RASGRP1: variants seen among roughly 807,000 people sequenced by gnomAD.
RASGRP1 encodes the protein RAS guanyl-releasing protein 1.
In RASGRP1, 37 loss-of-function variants were observed where a neutral mutation model predicts 95.1. That is an observed-to-expected ratio of 0.39 (90% confidence interval 0.30 to 0.51). The LOEUF is 0.51. RASGRP1 is among the 20% of genes least tolerant of loss of function. RASGRP1 has a pLI of 0.80. For missense variants in RASGRP1, 711 were observed against 965.4 expected (o/e 0.74, Z 3.49); for synonymous variants, 325 against 353.4 (o/e 0.92, Z 0.90).
chr15:38,521,953 T>G (rs943685356), intron 3 of RASGRP1, among the ~76,000 whole-genome samples: 7 of 152,026 alleles, frequency 4.6e-5, no homozygotes, highest in African/African-American at 1.7e-4. Flanking sequence ...GAGTATTATT[T>G]CATACTCTCA....
chr15:38,542,933 G>A (rs142534160), intron 2 of RASGRP1, among the ~76,000 whole-genome samples: 128 of 121,448 alleles, frequency 1.1e-3, no homozygotes, highest in Middle Eastern at 4.4e-3. Context: ...ATATATATGT[G>A]TGTGTATATA....
At chr15:38,550,748 T>C (rs1893309210) in intron 2 of RASGRP1, among the ~76,000 whole-genome samples, 1 of 152,158 alleles carries the variant, frequency 6.6e-6, no homozygotes, top group African/African-American at 2.4e-5. Flanking sequence ...GTGATTATAA[T>C]ACATGTAAAT....
intron 2 of RASGRP1, among the ~76,000 whole-genome samples, chr15:38,532,291 C>T (rs1325997072): frequency 6.6e-6 from 1 of 152,168 alleles, no homozygotes; most frequent in Non-Finnish European, 1.5e-5. Flanking sequence ...CTTACACTTA[C>T]AGGAAAAGAC....
At chr15:38,493,789 A>T (rs942753872) in intron 16 of RASGRP1, among the ~76,000 whole-genome samples, 1 of 152,180 alleles carries the variant, frequency 6.6e-6, no homozygotes, top group Admixed American at 6.5e-5. Context: ...CTTCGTTTAT[A>T]TTTAGGAGGG....
intron 2 of RASGRP1, 45 bp downstream of exon 2, chr15:38,559,776 A>G (rs1375149723): frequency 1.3e-6 from 2 of 1,558,044 alleles, no homozygotes; most frequent in Non-Finnish European, 1.8e-6. Flanking sequence ...GGACGAACAA[A>G]GTAATAGAGT....
At position 38,494,554 on chromosome 15, in the gene RASGRP1, C is replaced by T; in HGVS notation, c.2087G>A (p.Arg696Lys). The change falls in exon 16 of 17, where the codon AGG becomes AAG. Residue 696 changes from arginine (R) to lysine (K), a missense_variant. By Grantham distance (26) the Arg-to-Lys change is conservative (BLOSUM62 2). Transcript: ENST00000310803. ...ATATAGAGTATCCTGGGCTGTCTTC[C>T]TTGGGGAAGACAGCACAAAGGGACC... ...PSGPFVLSSP[R>K]KTAQDTLYVL... The T allele has an allele frequency of 6.3e-7, 1 of 1,581,864 alleles. No homozygotes were observed.
chr15:38,563,030 G>A (rs1366172192), intron 1 of RASGRP1, among the ~76,000 whole-genome samples: 1 of 152,166 alleles, frequency 6.6e-6, no homozygotes, highest in Non-Finnish European at 1.5e-5. Context: ...ACAGGGAGAA[G>A]AGAAAGTACT....
In RASGRP1 at chr15:38,490,576, A is replaced by G. The variant is rs1041781496; in HGVS notation, c.2372T>C (p.Met791Thr). The change falls in exon 17 of 17, where the codon ATG becomes ACG. Residue 791 changes from methionine (M) to threonine (T), a missense_variant. Physicochemically the swap from Met to Thr is moderately conservative, Grantham distance 81. Transcript: ENST00000310803. The part of the protein sequence containing the change: ...LEKSNHVLAQ[M>T]EQGDCS ...GGGCTAAGAACAGTCACCCTGCTCC[A>G]TTTGAGCTAAGACATGATTGCTTTT... is the stretch of plus-strand genomic sequence containing the variant. 1.1e-5 allele frequency: 17 copies of G among 1,604,620 alleles called. No individual in the cohort carries two copies. Among genetic ancestry groups the G allele is most frequent in the African/African-American group, 1.3e-5 (1 of 74,466 alleles).
intron 5 of RASGRP1, among the ~76,000 whole-genome samples, chr15:38,517,660 GA>G: frequency 6.6e-6 from 1 of 152,206 alleles, no homozygotes; most frequent in South Asian, 2.1e-4. Flanking sequence ...ATCAGTTCTA[GA>G]ATTCTATTTC....
rs993511833 is a variant in RASGRP1, at chr15:38,559,384, C to T, written c.220+437G>A. On this transcript the variant is annotated intron_variant, in intron 2 of 16. Coordinates refer to ENST00000310803, the MANE Select transcript of RASGRP1 (RefSeq NM_005739.4). ...CCAGTCCTTTCCTATTCCACCACAT[C>T]TGCCCTCCAGATTGCAAGGGGAATT... 2.0e-5 allele frequency among the ~76,000 whole-genome samples: 3 copies of T among 152,216 alleles called. No homozygotes were observed. The South Asian group carries it at 6.2e-4, about 31-fold the overall frequency.
At chr15:38,547,860 C>T (rs1056361809) in intron 2 of RASGRP1, among the ~76,000 whole-genome samples, 11 of 151,838 alleles carry the variant, frequency 7.2e-5, no homozygotes, top group South Asian at 4.2e-4. Flanking sequence ...TGTGTGTGCG[C>T]GCGCGCGTGT....
At chr15:38,530,154 T>G (rs914769512) in intron 2 of RASGRP1, among the ~76,000 whole-genome samples, 1 of 152,226 alleles carries the variant, frequency 6.6e-6, no homozygotes, top group Non-Finnish European at 1.5e-5. Flanking sequence ...AATCAGCTAG[T>G]GCAGGCTGGG....
intron 2 of RASGRP1, among the ~76,000 whole-genome samples, chr15:38,557,402 A>C (rs1005377042): frequency 6.6e-6 from 1 of 152,164 alleles, no homozygotes; most frequent in Non-Finnish European, 1.5e-5. Flanking sequence ...TGCAGTACAT[A>C]ATACACAAAA....
intron 14 of RASGRP1, 117 bp from the exon 15 acceptor site, chr15:38,499,063 A>G: frequency 7.3e-7 from 1 of 1,360,782 alleles, no homozygotes; most frequent in Non-Finnish European, 1.0e-6. Flanking sequence ...TATCTTCTGG[A>G]GCTAAGACAC....
In RASGRP1 at chr15:38,526,741, G is replaced by C. The variant is rs559321065; in HGVS notation, c.221-337C>G. 2.6e-5 allele frequency among the ~76,000 whole-genome samples: 4 copies of C among 152,288 alleles called. No homozygotes were observed. The East Asian group carries it at 5.8e-4, about 22-fold the overall frequency. ...TAAAGTTCATATAACTGGTTGGGGG[G>C]TGGGCAGGGAGAGAATTCTCTGGGG... On this transcript the variant is annotated intron_variant, in intron 2 of 16. Transcript: ENST00000310803.
At chr15:38,498,671 C>A in intron 15 of RASGRP1, 123 bp downstream of exon 15, 2 of 1,244,928 alleles carry the variant, frequency 1.6e-6, no homozygotes, top group East Asian at 2.5e-5. Context: ...GGGGTCAGCC[C>A]TGGCCTAGCT....
chr15:38,540,180 G>T (rs189136113), intron 2 of RASGRP1, among the ~76,000 whole-genome samples: 17 of 152,084 alleles, frequency 1.1e-4, no homozygotes, highest in South Asian at 6.2e-4. Flanking sequence ...CTCCCACCTC[G>T]GCCGGCCAAA....
chr15:38,505,948 T>C (rs1393368725), intron 9 of RASGRP1, 28 bp from the exon 10 acceptor site: 1 of 1,545,848 alleles, frequency 6.5e-7, no homozygotes, highest in South Asian at 1.2e-5. Flanking sequence ...ACAGGGTTCA[T>C]TGCTAAGATG....
At position 38,518,437 on chromosome 15, in the gene RASGRP1, G is replaced by T. The variant is rs1269503639; in HGVS notation, c.390-14C>A. 1 of 1,593,788 alleles carries T rather than the reference G, an allele frequency of 6.3e-7. No individual in the cohort carries two copies. The highest frequency in any genetic ancestry group is 2.3e-5 in the East Asian group (1 of 44,072). On this transcript the variant is annotated splice_polypyrimidine_tract_variant and intron_variant, in intron 4 of 16. Transcript: ENST00000310803. ...GTTATCCAATACCTACAAGGAGGGGGTTAAAAAACACAATCCAAAACTGAT... is the reference window on the plus strand; with the variant it reads ...GTTATCCAATACCTACAAGGAGGGGTTTAAAAAACACAATCCAAAACTGAT...
Sources: allele counts gnomAD v4.1 joint callset (sites outside exome capture counted in the v4.1 genomes callset), GRCh38; gene constraint gnomAD v4.1.1; transcripts MANE v1.5; gene names NCBI Gene and HGNC (gene_info 2026-07-23, HGNC 2026-07-21).